UBAC2: variants seen among roughly 807,000 people sequenced by gnomAD.
UBAC2 encodes ubiquitin-associated domain-containing protein 2.
Under a neutral mutation model 44.0 loss-of-function variants are expected in UBAC2, and 26 were observed. The observed-to-expected ratio is 0.59, with a 90% confidence interval of 0.43 to 0.82. UBAC2 has a LOEUF of 0.82. Ranked by LOEUF, UBAC2 falls within the 40% of genes least tolerant of loss-of-function variation. The pLI is 0.00. For synonymous variants in UBAC2, 155 were observed against 154.3 expected, an observed-to-expected ratio of 1.00 and a Z score of -0.04; for missense variants, 329 against 419.4, an observed-to-expected ratio of 0.78 and a Z score of 1.88.
intron 4 of UBAC2, among the ~76,000 whole-genome samples, chr13:99,308,480 G>A (rs2044369185): frequency 6.6e-6 from 1 of 152,202 alleles, no homozygotes; most frequent in Admixed American, 6.5e-5. Flanking sequence ...ATCAAAAGAT[G>A]AGAGTCATTC....
intron 7 of UBAC2, among the ~76,000 whole-genome samples, chr13:99,348,318 G>T (rs558784754): frequency 6.6e-6 from 1 of 152,334 alleles, no homozygotes; most frequent in African/African-American, 2.4e-5. Context: ...GGTTTCTACA[G>T]GAGTCTGTGC....
In UBAC2 at chr13:99,318,027, C is replaced by T. The variant is rs2044516113; in HGVS notation, c.519C>T (p.Phe173=). ...CTTTTTTTTTTCTTTTATAGCTTTT[C>T]ACCTCTGGTTCCTACATCTGGATTG... ...TLIYILGLQL[F]TSGSYIWIVA... is the part of the protein sequence containing the mutation. Residue 173 remains phenylalanine, a synonymous_variant, in exon 6 of 9, where the codon TTC becomes TTT. Coordinates refer to ENST00000403766, the MANE Select transcript of UBAC2 (RefSeq NM_001144072.2). 4 of 1,601,714 alleles carry T rather than the reference C, an allele frequency of 2.5e-6. No homozygotes were observed. Among genetic ancestry groups the T allele is most frequent in the South Asian group, 1.1e-5 (1 of 88,676 alleles).
intron 1 of UBAC2, among the ~76,000 whole-genome samples, chr13:99,216,632 C>A (rs1239424551): frequency 6.6e-6 from 1 of 152,096 alleles, no homozygotes; most frequent in African/African-American, 2.4e-5. Context: ...ATATTCCTCC[C>A]CAGGTCTTGG....
intron 3 of UBAC2, among the ~76,000 whole-genome samples, chr13:99,244,209 T>C (rs2043353552): frequency 6.6e-6 from 1 of 152,190 alleles, no homozygotes; most frequent in Non-Finnish European, 1.5e-5. Context: ...ACTTTGACTT[T>C]AATAAAATTA....
chr13:99,351,888 A>G (rs939433683), intron 7 of UBAC2: 7 of 397,326 alleles, frequency 1.8e-5, no homozygotes, highest in African/African-American at 8.3e-5. Flanking sequence ...GCCTGCAAGG[A>G]AAGAAGCTAC....
At chr13:99,338,930 T>C (rs1023604311) in intron 6 of UBAC2, among the ~76,000 whole-genome samples, 1 of 152,250 alleles carries the variant, frequency 6.6e-6, no homozygotes, top group Non-Finnish European at 1.5e-5. Flanking sequence ...CTTACTGGCG[T>C]TTCCTACTCT....
intron 7 of UBAC2, among the ~76,000 whole-genome samples, chr13:99,348,939 G>A (rs2045034890): frequency 6.6e-6 from 1 of 152,208 alleles, no homozygotes; most frequent in Admixed American, 6.5e-5. Flanking sequence ...CTTGATCCCT[G>A]GAGGTCAAGG....
intron 7 of UBAC2, among the ~76,000 whole-genome samples, chr13:99,363,749 G>A (rs1448025433): frequency 6.6e-6 from 1 of 152,176 alleles, no homozygotes; most frequent in Non-Finnish European, 1.5e-5. Flanking sequence ...AACCAAAACT[G>A]TTTTTTCCAA....
intron 6 of UBAC2, among the ~76,000 whole-genome samples, chr13:99,319,307 T>C (rs1322050242): frequency 6.6e-6 from 1 of 152,256 alleles, no homozygotes; most frequent in East Asian, 1.9e-4. Flanking sequence ...CTAGCGGTTA[T>C]AGAGCATAGA....
intron 4 of UBAC2, among the ~76,000 whole-genome samples, chr13:99,266,291 T>G (rs752362147): frequency 7.8e-4 from 118 of 152,198 alleles, no homozygotes; most frequent in Non-Finnish European, 1.4e-3. Context: ...TCTTCTGGCT[T>G]CCCTTGGCCA....
chr13:99,353,757 C>T (rs1251486155), intron 7 of UBAC2, among the ~76,000 whole-genome samples: 3 of 152,048 alleles, frequency 2.0e-5, no homozygotes, highest in Non-Finnish European at 4.4e-5. Context: ...GATGGGTTTT[C>T]AAAACCAGAA....
chr13:99,241,796 G>A (rs1368144930), intron 2 of UBAC2, among the ~76,000 whole-genome samples: 1 of 146,408 alleles, frequency 6.8e-6, no homozygotes, highest in Non-Finnish European at 1.5e-5. Flanking sequence ...GGGGGATTTG[G>A]CAGGGTCATA....
At chr13:99,281,449 C>T (rs1343388534) in intron 4 of UBAC2, among the ~76,000 whole-genome samples, 1 of 152,074 alleles carries the variant, frequency 6.6e-6, no homozygotes, top group African/African-American at 2.4e-5. Context: ...ACCATGTGTC[C>T]GGCATTGTAC....
intron 4 of UBAC2, among the ~76,000 whole-genome samples, chr13:99,286,995 T>C (rs1442397757): frequency 1.3e-5 from 2 of 152,178 alleles, no homozygotes; most frequent in Non-Finnish European, 2.9e-5. Context: ...TTAGAGAACA[T>C]ACTTACCATT....
intron 4 of UBAC2, chr13:99,255,871 A>G (rs779079190): frequency 1.9e-6 from 3 of 1,545,488 alleles, no homozygotes; most frequent in African/African-American, 2.8e-5. Context: ...CAGGGTGATC[A>G]TTTTACAGCT....
intron 4 of UBAC2, among the ~76,000 whole-genome samples, chr13:99,267,858 G>A (rs984891455): frequency 6.6e-6 from 1 of 152,286 alleles, no homozygotes; most frequent in East Asian, 1.9e-4. Flanking sequence ...GTAACAAACC[G>A]CTGACACAGT....
chr13:99,273,420 T>C (rs1459661208), intron 4 of UBAC2, among the ~76,000 whole-genome samples: 1 of 152,152 alleles, frequency 6.6e-6, no homozygotes, highest in African/African-American at 2.4e-5. Flanking sequence ...TCCAGAGGTG[T>C]CTTGGCTAGT....
intron 7 of UBAC2, among the ~76,000 whole-genome samples, chr13:99,355,012 A>G (rs2045155766): frequency 6.6e-6 from 1 of 152,308 alleles, no homozygotes; most frequent in South Asian, 2.1e-4. Flanking sequence ...GTGAACGCAG[A>G]TAGGCAAGTG....
intron 4 of UBAC2, among the ~76,000 whole-genome samples, chr13:99,268,164 G>T (rs984469667): frequency 6.6e-6 from 1 of 152,322 alleles, no homozygotes; most frequent in East Asian, 1.9e-4. Context: ...CAGGGAGGCT[G>T]GGAGATGTAA....
Sources: allele counts gnomAD v4.1 joint callset (sites outside exome capture counted in the v4.1 genomes callset), GRCh38; gene constraint gnomAD v4.1.1; transcripts MANE v1.5; gene names NCBI Gene and HGNC (gene_info 2026-07-23, HGNC 2026-07-21).